Variants in SNW1 observed in about 807,000 individuals in gnomAD.
SNW1 encodes SNW domain containing 1, also known as SNW domain-containing protein 1.
In SNW1, 9 loss-of-function variants were observed where a neutral mutation model predicts 75.6. The observed-to-expected ratio is 0.12, with a 90% CI of 0.07 to 0.21. The LOEUF is 0.21. SNW1 is among the 10% of genes least tolerant of loss of function. The pLI is 1.00. For synonymous variants in SNW1, 200 were observed against 219.1 expected, an observed-to-expected ratio of 0.91 and a Z score of 0.77; for missense variants, 409 against 670.9, an observed-to-expected ratio of 0.61 and a Z score of 4.31.
chr14:77,751,759 T>C (rs2080808431), intron 2 of SNW1, among the ~76,000 whole-genome samples: 1 of 149,970 alleles, frequency 6.7e-6, no homozygotes, highest in Non-Finnish European at 1.5e-5. Flanking sequence ...TGTGAAGAAG[T>C]AACATGTGAG....
intron 10 of SNW1, 66 bp from the exon 11 acceptor site, chr14:77,723,343 G>A (rs961485471): frequency 7.7e-5 from 90 of 1,164,694 alleles, no homozygotes; most frequent in Non-Finnish European, 1.0e-4. Context: ...GTGTACACGT[G>A]TGTATATATA....
intron 3 of SNW1, among the ~76,000 whole-genome samples, chr14:77,748,273 G>C (rs1191372253): frequency 1.3e-5 from 2 of 152,052 alleles, no homozygotes; most frequent in African/African-American, 4.8e-5. Flanking sequence ...CAAACACTGC[G>C]GAAGGCCGCA....
chr14:77,728,392 A>C (rs2139900132), intron 10 of SNW1, among the ~76,000 whole-genome samples: 1 of 152,328 alleles, frequency 6.6e-6, no homozygotes, highest in East Asian at 1.9e-4. Context: ...CGGAGGTTGC[A>C]GTCAGCTGAG....
intron 7 of SNW1, 82 bp downstream of exon 7, chr14:77,735,852 TGCA>T: frequency 1.1e-6 from 1 of 899,474 alleles, no homozygotes; most frequent in South Asian, 1.6e-5. Flanking sequence ...TGTGGTGACA[TGCA>T]CCTGTATAGG....
Position 77,726,706 on chromosome 14 carries a change from C to G in SNW1, c.1034-3429G>C, listed in dbSNP as rs1016214841. 2.3e-4 allele frequency among the ~76,000 whole-genome samples: 35 copies of G among 152,062 alleles called. No homozygotes were observed. The East Asian group carries it at 6.6e-3, about 29-fold the overall frequency. On this transcript the variant is annotated intron_variant, in intron 10 of 13. Coordinates refer to ENST00000261531, the MANE Select transcript of SNW1 (RefSeq NM_012245.3). ...GTGTGCGCCTGTTGTCCTAGCTACT[C>G]AGGAGGCGGAGACACAAGGATTGCT...
chr14:77,760,403 G>T (rs956211982), intron 1 of SNW1, among the ~76,000 whole-genome samples: 3 of 152,202 alleles, frequency 2.0e-5, no homozygotes, highest in African/African-American at 7.2e-5. Flanking sequence ...GGGCAGCAAG[G>T]CTGGGAACTA....
intron 8 of SNW1, among the ~76,000 whole-genome samples, chr14:77,732,872 C>G (rs1358613811): frequency 6.6e-6 from 1 of 152,148 alleles, no homozygotes; most frequent in Non-Finnish European, 1.5e-5. Context: ...CCATGTTGGC[C>G]AGGATGGTTT....
Position 77,720,773 on chromosome 14 carries a change from C to T in SNW1, c.1186G>A (p.Val396Ile). ...RDISEVIALG[V>I]PNPRTSNEVQ... ...TCATTGGAAGTCCGAGGATTAGGAA[C>T]ACCGAGAGCAATAACTTCACTGATA... The change falls in exon 12 of 14, where the codon GTT (valine) becomes ATT (isoleucine). Residue 396 changes from valine to isoleucine, a missense_variant. By Grantham distance (29) the Val-to-Ile change is conservative (BLOSUM62 3). Around this residue, in one of 9 missense-constraint regions of SNW1, gnomAD observed 126 missense variants for 167.6 expected, o/e 0.75. Coordinates refer to ENST00000261531, the MANE Select transcript of SNW1 (RefSeq NM_012245.3). 6.2e-7 allele frequency: 1 copy of T among 1,613,954 alleles called. No homozygotes were observed. The highest frequency in any genetic ancestry group is 2.2e-5 in the East Asian group (1 of 44,874).
At chr14:77,723,328 C>A in intron 10 of SNW1, 51 bp from the exon 11 acceptor site, 1 of 1,297,020 alleles carries the variant, frequency 7.7e-7, no homozygotes. Context: ...TATATGTGTG[C>A]ATACGTGTAC....
At chr14:77,732,824 C>T (rs1398450445) in intron 8 of SNW1, among the ~76,000 whole-genome samples, 7 of 152,154 alleles carry the variant, frequency 4.6e-5, no homozygotes, top group Admixed American at 2.0e-4. Context: ...GCCACACACT[C>T]GGCTAGTTTT....
rs534865790 is a variant in SNW1 at position 77,717,746 on chromosome 14, T to G, written c.*342A>C. 19 of 620,020 alleles carry G rather than the reference T, an allele frequency of 3.1e-5. No homozygotes were observed. In the African/African-American group the frequency reaches 3.1e-4, roughly 10 times the overall value. 38.4% of individuals were successfully genotyped at this position (620,020 alleles called of 1,614,324 possible). On this transcript the variant is annotated 3_prime_UTR_variant, in exon 14 of 14. Transcript: ENST00000261531. ...GTGAACATCTTCCTCCTCACTGTGG[T>G]TGGGGTAACTTTACTCATATGCAGC...
chr14:77,759,812 GTT>G (rs549946063), intron 1 of SNW1, among the ~76,000 whole-genome samples: 2 of 146,686 alleles, frequency 1.4e-5, no homozygotes, highest in African/African-American at 5.0e-5. Flanking sequence ...CCTATTTCTA[GTT>G]TTTTTTTAAA....
chr14:77,755,971 G>A (rs956975585), intron 1 of SNW1, among the ~76,000 whole-genome samples: 1 of 149,936 alleles, frequency 6.7e-6, no homozygotes, highest in Non-Finnish European at 1.5e-5. Flanking sequence ...ACTCCCGACC[G>A]CAGGTGATGT....
chr14:77,731,254 TTAAAACAAAGAG>T, intron 9 of SNW1, 125 bp from the exon 10 acceptor site: 1 of 1,054,664 alleles, frequency 9.5e-7, no homozygotes, highest in Non-Finnish European at 1.3e-6. Context: ...TTATTGCTAA[TTAAAACAAAGAG>T]TCTTGTCCAC....
intron 10 of SNW1, among the ~76,000 whole-genome samples, chr14:77,727,544 AT>A (rs1189471263): frequency 6.6e-6 from 1 of 152,040 alleles, no homozygotes; most frequent in East Asian, 1.9e-4. Context: ...GGCCTTAAGT[AT>A]TTTTAGTTAT....
At chr14:77,751,837 CACACACACCACA>C (rs778290686) in intron 2 of SNW1, among the ~76,000 whole-genome samples, 9 of 111,938 alleles carry the variant, frequency 8.0e-5, no homozygotes, top group East Asian at 2.8e-4. Flanking sequence ...CACACACACA[CACACACACCACA>C]CACACACACA....
rs145747375 is a variant in SNW1 at position 77,759,884 on chromosome 14, G to A, written c.14+1230C>T. On this transcript the variant is annotated intron_variant, in intron 1 of 13. Coordinates refer to ENST00000261531, the MANE Select transcript of SNW1 (RefSeq NM_012245.3). ...TGTAATCCTAGCACTTTCGGAGGCCGAGACAGGAGGACTGCTTGAGGCCAA... is the reference window on the plus strand; with the variant it reads ...TGTAATCCTAGCACTTTCGGAGGCCAAGACAGGAGGACTGCTTGAGGCCAA... Among the ~76,000 whole-genome samples the A allele has an allele frequency of 1.8e-4, 27 of 151,984 alleles. No individual in the cohort carries two copies. The East Asian group carries it at 3.9e-3, about 22-fold the overall frequency.
At chr14:77,728,758 T>C (rs965400473) in intron 10 of SNW1, among the ~76,000 whole-genome samples, 1 of 152,198 alleles carries the variant, frequency 6.6e-6, no homozygotes, top group Admixed American at 6.5e-5. Flanking sequence ...TAAGCCTTAG[T>C]TTCCTCCTCT....
At chr14:77,740,398 G>A (rs1217269017) in intron 3 of SNW1, among the ~76,000 whole-genome samples, 1 of 152,006 alleles carries the variant, frequency 6.6e-6, no homozygotes, top group Non-Finnish European at 1.5e-5. Flanking sequence ...GGAAATGCAT[G>A]CTATTTCTAA....
Sources: allele counts gnomAD v4.1 joint callset (sites outside exome capture counted in the v4.1 genomes callset), GRCh38; gene constraint gnomAD v4.1.1; regional missense constraint gnomAD v4.1.1; transcripts MANE v1.5; gene names NCBI Gene and HGNC (gene_info 2026-07-23, HGNC 2026-07-21).